Variants in NKAIN2 observed in about 807,000 individuals in gnomAD.
NKAIN2 encodes the protein sodium/potassium transporting ATPase interacting 2, also known as sodium/potassium-transporting ATPase subunit beta-1-interacting protein 2.
In NKAIN2, 14 loss-of-function variants were observed where a neutral mutation model predicts 32.6. The observed-to-expected ratio is 0.43, with a 90% CI of 0.28 to 0.67. The LOEUF (loss-of-function observed/expected upper bound fraction) is 0.67, where lower values mean the gene tolerates loss of function less well. Among genes scored for constraint, NKAIN2 ranks in the 30% least tolerant of loss-of-function variants. NKAIN2 has a pLI of 0.17. For missense variants in NKAIN2, 198 were observed against 258.3 expected (o/e 0.77, Z 1.60); for synonymous variants, 80 against 87.2 (o/e 0.92, Z 0.46).
chr6:124,047,994 T>A (rs1294784435), intron 1 of NKAIN2, among the ~76,000 whole-genome samples: 1 of 152,000 alleles, frequency 6.6e-6, no homozygotes, highest in African/African-American at 2.4e-5. Context: ...ATTTGAACAC[T>A]CTCAGATGTG....
chr6:124,177,239 C>T (rs954865565), intron 1 of NKAIN2, among the ~76,000 whole-genome samples: 4 of 152,056 alleles, frequency 2.6e-5, no homozygotes, highest in South Asian at 2.1e-4. Flanking sequence ...AAAAAGCATT[C>T]GATACAAGTA....
chr6:123,816,140 T>G (rs1163931371), intron 1 of NKAIN2, among the ~76,000 whole-genome samples: 1 of 151,800 alleles, frequency 6.6e-6, no homozygotes, highest in African/African-American at 2.4e-5. Context: ...AAGGTGAGAA[T>G]GAAAGAGAAT....
chr6:124,698,225 T>C (rs1461466439), intron 4 of NKAIN2, among the ~76,000 whole-genome samples: 1 of 152,188 alleles, frequency 6.6e-6, no homozygotes, highest in Non-Finnish European at 1.5e-5. Context: ...CAGAGGGTTG[T>C]GCTATGAAAA....
chr6:124,357,309 T>C (rs1799030623), intron 3 of NKAIN2, among the ~76,000 whole-genome samples: 1 of 152,182 alleles, frequency 6.6e-6, no homozygotes, highest in Non-Finnish European at 1.5e-5. Flanking sequence ...TTTTCCTCTC[T>C]TTCGTGTTCA....
intron 3 of NKAIN2, among the ~76,000 whole-genome samples, chr6:124,602,762 C>T (rs1020716650): frequency 6.6e-6 from 1 of 151,872 alleles, no homozygotes; most frequent in Non-Finnish European, 1.5e-5. Flanking sequence ...AAACAGTATA[C>T]TTGTATGTTC....
intron 1 of NKAIN2, among the ~76,000 whole-genome samples, chr6:123,873,720 TCA>T (rs1328790981): frequency 6.6e-6 from 1 of 152,104 alleles, no homozygotes; most frequent in East Asian, 1.9e-4. Context: ...AAGAGTGAAC[TCA>T]CAGATTCCTA....
chr6:124,308,235 T>C (rs2114993731), intron 2 of NKAIN2, among the ~76,000 whole-genome samples: 1 of 149,494 alleles, frequency 6.7e-6, no homozygotes, highest in Middle Eastern at 3.4e-3. Flanking sequence ...AGTGAGAACA[T>C]GCGGAGTTTA....
chr6:124,403,562 A>G (rs570703704), intron 3 of NKAIN2, among the ~76,000 whole-genome samples: 60 of 152,300 alleles, frequency 3.9e-4, no homozygotes, highest in African/African-American at 1.4e-3. Flanking sequence ...ATGATTATAT[A>G]CATTTTTCTG....
Position 124,420,869 on chromosome 6 carries a change from TACTC to T in NKAIN2, c.273+65530_273+65533del, listed in dbSNP as rs557729173. 4.4e-3 allele frequency among the ~76,000 whole-genome samples: 663 copies of T among 152,218 alleles called. 3 individuals are homozygous for T. The highest frequency in any genetic ancestry group is 7.0e-3 in the Non-Finnish European group (476 of 67,982). ...AGGATAAAATTATCACTACAAATTC[TACTC>T]ACTCACTAGGACGAGTAGCATTTGT... On this transcript the variant is annotated intron_variant, in intron 3 of 6. Coordinates refer to ENST00000368417, the MANE Select transcript of NKAIN2 (RefSeq NM_001040214.3).
intron 1 of NKAIN2, among the ~76,000 whole-genome samples, chr6:124,044,681 G>A (rs1174690749): frequency 6.6e-6 from 1 of 152,008 alleles, no homozygotes; most frequent in Non-Finnish European, 1.5e-5. Flanking sequence ...TGTTAAACAA[G>A]GCCATTCGCC....
intron 3 of NKAIN2, among the ~76,000 whole-genome samples, chr6:124,407,703 A>G (rs1028398027): frequency 4.0e-5 from 6 of 151,790 alleles, no homozygotes; most frequent in South Asian, 2.1e-4. Context: ...TCCTTTGGGT[A>G]TATACCCAGT....
intron 3 of NKAIN2, among the ~76,000 whole-genome samples, chr6:124,604,054 A>G (rs1782407582): frequency 1.3e-5 from 2 of 152,034 alleles, no homozygotes; most frequent in African/African-American, 2.4e-5. Context: ...AATCAAGAAG[A>G]TATTAATAGC....
rs528713391 is a variant in NKAIN2, at chr6:124,127,547, CA to C, written c.55-155455del. Among the ~76,000 whole-genome samples the C allele has an allele frequency of 2.9e-3, 443 of 152,200 alleles. 4 individuals carry two copies. Among genetic ancestry groups the C allele is most frequent in the African/African-American group, 0.01 (427 of 41,550 alleles). On this transcript the variant is annotated intron_variant, in intron 1 of 6. Transcript: ENST00000368417. The stretch of plus-strand genomic sequence containing the variant: ...CTTTGTTTTTATACTTAGAATCTTC[CA>C]AACTGAGTTCACATGCCATATTTTA...
intron 3 of NKAIN2, among the ~76,000 whole-genome samples, chr6:124,484,855 G>T (rs1777591006): frequency 6.6e-6 from 1 of 152,038 alleles, no homozygotes; most frequent in Non-Finnish European, 1.5e-5. Flanking sequence ...GGGGGTGCAG[G>T]ACTTAGCATA....
At chr6:124,279,874 G>A (rs1795213931) in intron 1 of NKAIN2, among the ~76,000 whole-genome samples, 1 of 152,048 alleles carries the variant, frequency 6.6e-6, no homozygotes, top group Non-Finnish European at 1.5e-5. Context: ...AACTGATAAA[G>A]ATTAGTCACT....
chr6:124,651,302 T>A (rs1314308142), intron 3 of NKAIN2, among the ~76,000 whole-genome samples: 1 of 152,186 alleles, frequency 6.6e-6, no homozygotes, highest in Admixed American at 6.5e-5. Flanking sequence ...TGTTGCAGAC[T>A]GGTAGCTCTG....
chr6:123,844,816 T>A (rs1299321514), intron 1 of NKAIN2, among the ~76,000 whole-genome samples: 1 of 152,202 alleles, frequency 6.6e-6, no homozygotes, highest in Non-Finnish European at 1.5e-5. Flanking sequence ...GCAACCATAT[T>A]TATATGGTCA....
intron 3 of NKAIN2, among the ~76,000 whole-genome samples, chr6:124,602,414 C>T (rs1382647): frequency 0.43 from 65,067 of 151,762 alleles, 14,933 homozygotes; most frequent in Admixed American, 0.51. Context: ...GATTATTTAA[C>T]AGCTAGTTCT....
At chr6:124,186,610 A>G (rs549954157) in intron 1 of NKAIN2, among the ~76,000 whole-genome samples, 1 of 152,294 alleles carries the variant, frequency 6.6e-6, no homozygotes, top group South Asian at 2.1e-4. Flanking sequence ...ATTTGAAAGT[A>G]TGCACCTGTG....
Sources: gnomAD v4.1 joint callset for allele counts (sites outside exome capture counted in the v4.1 genomes callset) on GRCh38, gnomAD v4.1.1 for gene constraint, MANE v1.5 for transcripts, NCBI Gene and HGNC (gene_info 2026-07-23, HGNC 2026-07-21) for gene names.